Variants in NELL1 observed in about 807,000 individuals in gnomAD.
NELL1 encodes the protein protein kinase C-binding protein NELL1.
In NELL1, 76 loss-of-function variants were observed where a neutral mutation model predicts 107.4. The ratio of observed to expected loss-of-function variants is 0.71; its 90% CI spans 0.59 to 0.86. The LOEUF is 0.86. NELL1 is among the 40% of genes least tolerant of loss of function. The pLI is 0.00. For missense variants in NELL1, 1,024 were observed against 1,005.5 expected (o/e 1.02, Z -0.25); for synonymous variants, 353 against 341.2 (o/e 1.03, Z -0.38).
intron 13 of NELL1, among the ~76,000 whole-genome samples, chr11:21,119,099 A>G (rs1266249167): frequency 6.6e-6 from 1 of 152,100 alleles, no homozygotes; most frequent in Non-Finnish European, 1.5e-5. Flanking sequence ...GAAAACTCAA[A>G]TGTTCATTCA....
chr11:21,502,580 G>T (rs1855169826), intron 15 of NELL1, among the ~76,000 whole-genome samples: 1 of 152,142 alleles, frequency 6.6e-6, no homozygotes, highest in African/African-American at 2.4e-5. Context: ...ATTGAAAGAA[G>T]TTGTGCCAAA....
intron 14 of NELL1, among the ~76,000 whole-genome samples, chr11:21,280,566 T>G (rs1848970003): frequency 6.6e-6 from 1 of 152,038 alleles, no homozygotes; most frequent in African/African-American, 2.4e-5. Context: ...TGCATTGAAC[T>G]CAATTCTGCC....
intron 14 of NELL1, among the ~76,000 whole-genome samples, chr11:21,275,215 G>T (rs1848827854): frequency 1.3e-5 from 2 of 152,004 alleles, no homozygotes; most frequent in African/African-American, 4.8e-5. Flanking sequence ...TGATAAAGGG[G>T]ATATCACCAC....
At chr11:21,146,881 T>TA (rs1476393492) in intron 13 of NELL1, among the ~76,000 whole-genome samples, 3 of 152,056 alleles carry the variant, frequency 2.0e-5, no homozygotes, top group Non-Finnish European at 2.9e-5. Flanking sequence ...CTGTCTCTGC[T>TA]AAAAATACAA....
chr11:21,056,827 T>G (rs1017888814), intron 12 of NELL1, among the ~76,000 whole-genome samples: 1 of 152,062 alleles, frequency 6.6e-6, no homozygotes, highest in East Asian at 1.9e-4. Context: ...CTAGCACAGA[T>G]AAGGAAACTG....
At chr11:20,880,725 T>G (rs1849391661) in intron 4 of NELL1, among the ~76,000 whole-genome samples, 1 of 152,228 alleles carries the variant, frequency 6.6e-6, no homozygotes, top group African/African-American at 2.4e-5. Flanking sequence ...CTGAATTTTA[T>G]TTCTCATTTA....
At chr11:20,999,329 C>T (rs1477469135) in intron 12 of NELL1, among the ~76,000 whole-genome samples, 1 of 152,190 alleles carries the variant, frequency 6.6e-6, no homozygotes, top group Non-Finnish European at 1.5e-5. Context: ...ACTGTCTCAT[C>T]CTCACCTCAG....
intron 12 of NELL1, among the ~76,000 whole-genome samples, chr11:21,056,620 G>A (rs940481507): frequency 2.0e-5 from 3 of 152,084 alleles, no homozygotes; most frequent in African/African-American, 4.8e-5. Context: ...ATGTTTTCTC[G>A]CTGGACAGAA....
rs1440674116 is a variant in NELL1, at chr11:20,895,158, G to C, written c.603+9618G>C. Among the ~76,000 whole-genome samples the C allele has an allele frequency of 4.3e-5, 6 of 140,924 alleles. No homozygotes were observed. In the East Asian group the frequency reaches 1.2e-3, roughly 29 times the overall value. The allele number at this position is 140,924 out of a possible 152,430, so 92.5% of individuals were successfully genotyped here. ...GTAGTGGCGGGCGCCTGTAGTCCCA[G>C]CTACTTGGGAGGCTGAGGCAGGAGA... On this transcript the variant is annotated intron_variant, in intron 5 of 19. Coordinates refer to ENST00000357134, the MANE Select transcript of NELL1 (RefSeq NM_006157.5).
intron 14 of NELL1, among the ~76,000 whole-genome samples, chr11:21,236,741 G>C (rs538073844): frequency 1.3e-5 from 2 of 152,084 alleles, no homozygotes; most frequent in Non-Finnish European, 2.9e-5. Flanking sequence ...GACTCATTCA[G>C]TTATTCTGCA....
chr11:21,105,445 A>G (rs901221448), intron 12 of NELL1, among the ~76,000 whole-genome samples: 12 of 152,138 alleles, frequency 7.9e-5, no homozygotes, highest in African/African-American at 2.7e-4. Context: ...ATCTTTTATT[A>G]TGCAAATAGG....
chr11:21,256,380 G>A (rs1274550586), intron 14 of NELL1, among the ~76,000 whole-genome samples: 1 of 152,018 alleles, frequency 6.6e-6, no homozygotes, highest in African/African-American at 2.4e-5. Flanking sequence ...AAGAGCTACT[G>A]ATCTGAGTCT....
intron 13 of NELL1, among the ~76,000 whole-genome samples, chr11:21,116,801 A>G (rs1443387577): frequency 6.6e-6 from 1 of 151,966 alleles, no homozygotes; most frequent in Non-Finnish European, 1.5e-5. Flanking sequence ...AGCCATGGCC[A>G]TCACATTGGA....
At chr11:20,692,008 C>G (rs1243764109) in intron 2 of NELL1, among the ~76,000 whole-genome samples, 3 of 151,904 alleles carry the variant, frequency 2.0e-5, no homozygotes, top group South Asian at 2.1e-4. Context: ...CTGGTTTAGT[C>G]TTGGGAGAGT....
intron 12 of NELL1, among the ~76,000 whole-genome samples, chr11:21,057,955 T>C (rs753831046): frequency 6.6e-6 from 1 of 152,144 alleles, no homozygotes; most frequent in Non-Finnish European, 1.5e-5. Context: ...AGTTTGTTGA[T>C]TAAAACCTGC....
At chr11:20,800,307 C>T (rs1395012656) in intron 3 of NELL1, among the ~76,000 whole-genome samples, 3 of 152,186 alleles carry the variant, frequency 2.0e-5, no homozygotes, top group Admixed American at 6.5e-5. Flanking sequence ...TTTACATTCC[C>T]ACTGACAGCA....
chr11:21,530,163 C>T (rs1376220552), intron 15 of NELL1, among the ~76,000 whole-genome samples: 1 of 152,122 alleles, frequency 6.6e-6, no homozygotes, highest in Non-Finnish European at 1.5e-5. Flanking sequence ...AAGTTTTTCT[C>T]ATGACTCAAT....
intron 15 of NELL1, among the ~76,000 whole-genome samples, chr11:21,479,059 G>A (rs552263825): frequency 1.1e-4 from 16 of 152,256 alleles, no homozygotes; most frequent in African/African-American, 3.6e-4. Context: ...CAAGGATGTG[G>A]AGAAAGGAGA....
chr11:21,434,370 TG>T (rs1274321168), intron 15 of NELL1, among the ~76,000 whole-genome samples: 1 of 152,174 alleles, frequency 6.6e-6, no homozygotes, highest in African/African-American at 2.4e-5. Context: ...TTTTTGCATA[TG>T]GTGAGATATG....
Sources: gnomAD v4.1 joint callset for allele counts (sites outside exome capture counted in the v4.1 genomes callset) on GRCh38, gnomAD v4.1.1 for gene constraint, MANE v1.5 for transcripts, NCBI Gene and HGNC (gene_info 2026-07-23, HGNC 2026-07-21) for gene names.